Variants in USP16 observed in about 807,000 individuals in gnomAD.
The protein encoded by USP16 is ubiquitin carboxyl-terminal hydrolase 16.
USP16 carries 77 observed loss-of-function variants against 95.9 expected under a neutral mutation model. The ratio of observed to expected loss-of-function variants is 0.80; its 90% CI spans 0.67 to 0.97. The LOEUF (loss-of-function observed/expected upper bound fraction) is 0.97. Ranked by LOEUF, USP16 falls within the 50% of genes least tolerant of loss-of-function variation. USP16 has a pLI of 0.00. For synonymous variants in USP16, 303 were observed against 318.2 expected, an observed-to-expected ratio of 0.95 and a Z score of 0.51; for missense variants, 943 against 959.9, an observed-to-expected ratio of 0.98 and a Z score of 0.23.
chr21:29,047,337 C>T lies in USP16; in HGVS notation c.2011+16C>T. 2 of 1,584,896 alleles carry T rather than the reference C, an allele frequency of 1.3e-6. No homozygotes were observed. Among genetic ancestry groups the T allele is most frequent in the African/African-American group, 1.4e-5 (1 of 73,884 alleles). Reference sequence around the variant, plus strand: ...AATATAAAAGGTATTTTAATGCTCTCACTGTAAGTAAAATTAATATTCAGG... The same window carrying T: ...AATATAAAAGGTATTTTAATGCTCTTACTGTAAGTAAAATTAATATTCAGG... On this transcript the variant is annotated intron_variant, in intron 14 of 17. Coordinates refer to ENST00000399976, the MANE Select transcript of USP16 (RefSeq NM_006447.3).
chr21:29,035,374 G>T (rs938968470), intron 4 of USP16, among the ~76,000 whole-genome samples: 1 of 151,446 alleles, frequency 6.6e-6, no homozygotes, highest in Non-Finnish European at 1.5e-5. Flanking sequence ...TTCACTGAAT[G>T]ACATCTTTTT....
At position 29,034,929 on chromosome 21, in the gene USP16, C is replaced by T. The variant is rs764176025; in HGVS notation, c.333C>T (p.Asn111=). The part of the protein sequence containing the change: ...EPHCLVLSLD[N]WSVWCYVCDN... ...ACTGTCTGGTTCTTAGTTTGGACAACTGGAGTGTATGGTGAGTTTCAGTTC... is the reference window on the plus strand; with the variant it reads ...ACTGTCTGGTTCTTAGTTTGGACAATTGGAGTGTATGGTGAGTTTCAGTTC... Residue 111 remains asparagine, a synonymous_variant, in exon 4 of 18, where the codon AAC becomes AAT. Transcript: ENST00000399976. The T allele has an allele frequency of 6.2e-7, 1 of 1,613,814 alleles. No individual in the cohort carries two copies. Among genetic ancestry groups the T allele is most frequent in the Non-Finnish European group, 8.5e-7 (1 of 1,179,738 alleles).
chr21:29,039,673 A>T, intron 9 of USP16, 105 bp downstream of exon 9: 1 of 1,133,270 alleles, frequency 8.8e-7, no homozygotes. Context: ...TATTAAGGCC[A>T]TCATACTTTA....
chr21:29,036,718 A>G (rs140120110), intron 5 of USP16, among the ~76,000 whole-genome samples: 74 of 152,334 alleles, frequency 4.9e-4, no homozygotes, highest in Admixed American at 1.8e-3. Flanking sequence ...CTGGGATAAC[A>G]TAAAGCATTT....
At chr21:29,039,442 G>T in intron 8 of USP16, 39 bp from the exon 9 acceptor site, 1 of 1,593,184 alleles carries the variant, frequency 6.3e-7, no homozygotes, top group South Asian at 1.1e-5. Flanking sequence ...GAGCTTAGTA[G>T]ACTGAAGATT....
chr21:29,053,702 T>C (rs1450686690), intron 16 of USP16, 100 bp from the exon 17 acceptor site: 6 of 1,227,346 alleles, frequency 4.9e-6, no homozygotes, highest in Non-Finnish European at 6.8e-6. Context: ...ACTCTCAAAG[T>C]AATGGTTAAA....
rs772981965 is a variant in USP16 at position 29,037,341 on chromosome 21, CAA to C, written c.515_516del (p.Gln172ArgfsTer10). On this transcript the variant is annotated frameshift_variant, in exon 6 of 18. Coordinates refer to ENST00000399976, the MANE Select transcript of USP16 (RefSeq NM_006447.3). LOFTEE classifies it high-confidence loss of function. ...KKLEKESKNE[Q>X]EREKKENMAK... The stretch of plus-strand genomic sequence containing the variant: ...ATTAGAAAAAGAGAGTAAGAATGAA[CAA>C]GAGAGAGAAAAGAAGGAAAACATGG... 1.9e-6 allele frequency: 3 copies of C among 1,595,434 alleles called. No individual in the cohort carries two copies. Among genetic ancestry groups the C allele is most frequent in the Non-Finnish European group, 2.6e-6 (3 of 1,167,196 alleles).
chr21:29,043,933 G>A (rs917746287), intron 13 of USP16, among the ~76,000 whole-genome samples: 4 of 148,598 alleles, frequency 2.7e-5, no homozygotes, highest in Admixed American at 1.3e-4. Context: ...TCCCACCACT[G>A]TTTTTTTTTT....
intron 12 of USP16, chr21:29,043,187 A>G: frequency 3.5e-6 from 1 of 289,518 alleles, no homozygotes; most frequent in Non-Finnish European, 6.3e-6. Flanking sequence ...TTTCTATTAC[A>G]CTTACATGTG....
intron 10 of USP16, among the ~76,000 whole-genome samples, chr21:29,041,170 A>T (rs1460693859): frequency 1.3e-5 from 2 of 152,124 alleles, no homozygotes; most frequent in Non-Finnish European, 2.9e-5. Flanking sequence ...CTACATTTTT[A>T]TTTTTATTTA....
At chr21:29,025,308 G>T (rs1601033643) in intron 1 of USP16, among the ~76,000 whole-genome samples, 1 of 152,238 alleles carries the variant, frequency 6.6e-6, no homozygotes, top group African/African-American at 2.4e-5. Context: ...AGGGCAGAGA[G>T]TGAAGAGACT....
chr21:29,053,918 T>C lies in USP16; in HGVS notation c.2310T>C (p.Ser770=). ...ATGCCAAGGCAAGAACCGCAAATAG[T>C]CATCTCTCTAATCTTGTTCTTCACG... is the stretch of plus-strand genomic sequence containing the variant. ...TAYAKARTAN[S]HLSNLVLHGD... is the part of the protein sequence containing the mutation. The change falls in exon 17 of 18, where the codon AGT becomes AGC. Residue 770 remains serine (S), a synonymous_variant. Coordinates refer to ENST00000399976, the MANE Select transcript of USP16 (RefSeq NM_006447.3). The C allele has an allele frequency of 6.2e-7, 1 of 1,614,246 alleles. No homozygotes were observed. The highest frequency in any genetic ancestry group is 8.5e-7 in the Non-Finnish European group (1 of 1,180,038).
chr21:29,029,648 A>G (rs1601041565), intron 2 of USP16, among the ~76,000 whole-genome samples: 1 of 152,188 alleles, frequency 6.6e-6, no homozygotes, highest in Non-Finnish European at 1.5e-5. Flanking sequence ...TCTTGGCCCC[A>G]ACAGAGTTTT....
chr21:29,050,054 C>G (rs1309597941), intron 15 of USP16, 38 bp from the exon 16 acceptor site: 1 of 1,582,404 alleles, frequency 6.3e-7, no homozygotes, highest in East Asian at 2.3e-5. Context: ...TATTGCTTTT[C>G]CAAGAAAAGA....
At chr21:29,053,666 A>G in intron 16 of USP16, 136 bp from the exon 17 acceptor site, 1 of 816,166 alleles carries the variant, frequency 1.2e-6, no homozygotes, top group Non-Finnish European at 1.9e-6. Context: ...TATGGAGAAA[A>G]GAGTAGACTC....
intron 14 of USP16, among the ~76,000 whole-genome samples, 164 bp downstream of exon 14, chr21:29,047,485 G>A (rs2085344835): frequency 6.6e-6 from 1 of 152,104 alleles, no homozygotes; most frequent in African/African-American, 2.4e-5. Flanking sequence ...TTATTGAAGT[G>A]GCTAATACAC....
intron 1 of USP16, chr21:29,025,014 C>T: frequency 3.1e-6 from 1 of 323,844 alleles, no homozygotes; most frequent in Non-Finnish European, 5.6e-6. Context: ...CAGAGGTTCC[C>T]CCGTGGGATC....
chr21:29,048,692 T>C (rs747558289), intron 14 of USP16, 69 bp from the exon 15 acceptor site: 73 of 1,219,370 alleles, frequency 6.0e-5, no homozygotes, highest in Non-Finnish European at 8.6e-5. Context: ...AATGATTTTA[T>C]AGCAAATCTG....
chr21:29,044,985 C>T (rs181414004), intron 13 of USP16, among the ~76,000 whole-genome samples: 2 of 152,230 alleles, frequency 1.3e-5, no homozygotes, highest in East Asian at 1.9e-4. Flanking sequence ...AAAGGTTGCT[C>T]CTGACCCTTG....
Sources: allele counts gnomAD v4.1 joint callset (sites outside exome capture counted in the v4.1 genomes callset), GRCh38; gene constraint gnomAD v4.1.1; transcripts MANE v1.5; gene names NCBI Gene and HGNC (gene_info 2026-07-23, HGNC 2026-07-21).